CADM2: variants seen among roughly 807,000 people sequenced by gnomAD.
CADM2 encodes the protein immunoglobulin superfamily member 4D.
Under a neutral mutation model 49.8 loss-of-function variants are expected in CADM2, and 12 were observed. The ratio of observed to expected loss-of-function variants is 0.24; its 90% confidence interval spans 0.15 to 0.39. CADM2 has a LOEUF of 0.39. Ranked by LOEUF, CADM2 falls within the 10% of genes least tolerant of loss-of-function variation. The probability of loss-of-function intolerance (pLI) is 1.00; values close to 1 mark genes in which losing one functional copy is unlikely to be tolerated. For missense variants in CADM2, 378 were observed against 492.3 expected (o/e 0.77, Z 2.20); for synonymous variants, 214 against 175.4 (o/e 1.22, Z -1.74).
At chr3:85,610,980 A>G (rs1205419158) in intron 1 of CADM2, among the ~76,000 whole-genome samples, 1 of 151,946 alleles carries the variant, frequency 6.6e-6, no homozygotes, top group Non-Finnish European at 1.5e-5. Context: ...AGGACAGATT[A>G]ATTGACTGAA....
chr3:85,562,238 C>T (rs1045772020), intron 1 of CADM2, among the ~76,000 whole-genome samples: 40 of 151,920 alleles, frequency 2.6e-4, no homozygotes, highest in African/African-American at 8.2e-4. Flanking sequence ...TCAGCACTTT[C>T]GGGGGCTGAG....
chr3:85,049,408 T>C (rs1195736105), intron 1 of CADM2, among the ~76,000 whole-genome samples: 1 of 151,856 alleles, frequency 6.6e-6, no homozygotes, highest in Non-Finnish European at 1.5e-5. Context: ...TGGAGTGCAA[T>C]GATGCGATCT....
intron 8 of CADM2, chr3:85,993,452 T>A (rs1729026074): frequency 6.6e-6 from 1 of 152,180 alleles, no homozygotes; most frequent in Admixed American, 6.5e-5. Flanking sequence ...GATAAGCTTC[T>A]TCCAAACTCC....
intron 1 of CADM2, among the ~76,000 whole-genome samples, chr3:85,608,508 A>C (rs4856600): frequency 0.57 from 86,032 of 151,970 alleles, 25,882 homozygotes; most frequent in East Asian, 0.81. Flanking sequence ...AGTGGTGATA[A>C]ATAAGTCAAT....
rs150189936 is a variant in CADM2, at chr3:85,725,236, T to G, written c.62-1286T>G. On this transcript the variant is annotated intron_variant, in intron 1 of 9. Coordinates refer to ENST00000383699, the MANE Select transcript of CADM2 (RefSeq NM_001167675.2). The stretch of plus-strand genomic sequence containing the variant: ...TAAACTAGTAGCATATATATGCAAA[T>G]AGTAAGGCAGTTTTTGTTATTGTAG... 1.1e-3 allele frequency among the ~76,000 whole-genome samples: 163 copies of G among 152,046 alleles called. 1 individual carries two copies. The highest frequency in any genetic ancestry group is 3.9e-3 in the African/African-American group (160 of 41,548).
At chr3:85,657,066 C>G (rs1389063236) in intron 1 of CADM2, among the ~76,000 whole-genome samples, 1 of 152,180 alleles carries the variant, frequency 6.6e-6, no homozygotes, top group Non-Finnish European at 1.5e-5. Flanking sequence ...AATTCTACCA[C>G]TTTCTCCCCA....
chr3:85,359,231 G>T (rs545713776), intron 1 of CADM2, among the ~76,000 whole-genome samples: 2 of 152,156 alleles, frequency 1.3e-5, no homozygotes, highest in African/African-American at 4.8e-5. Flanking sequence ...ATTAATCTTT[G>T]TCCATTCTTG....
chr3:85,519,645 T>G (rs1285814514), intron 1 of CADM2, among the ~76,000 whole-genome samples: 1 of 152,160 alleles, frequency 6.6e-6, no homozygotes, highest in African/African-American at 2.4e-5. Flanking sequence ...CATCAACTTT[T>G]TACATGTTTT....
rs183738454 is a variant in CADM2, at chr3:85,248,891, T to C, written c.61+289223T>C. Among the ~76,000 whole-genome samples, 76 of 152,290 alleles carry C rather than the reference T, an allele frequency of 5.0e-4. 1 individual carries two copies. The highest frequency in any genetic ancestry group is 2.4e-4 in the Non-Finnish European group (16 of 68,002). On this transcript the variant is annotated intron_variant, in intron 1 of 9. Coordinates refer to ENST00000383699, the MANE Select transcript of CADM2 (RefSeq NM_001167675.2). Reference sequence around the variant, plus strand: ...GCTTTCTCATCCATGATGTTCATTATTTCACAGTGAAGGCCAAATCTGATC... The same window carrying C: ...GCTTTCTCATCCATGATGTTCATTACTTCACAGTGAAGGCCAAATCTGATC...
chr3:86,065,614 C>CTTTG lies in CADM2; in HGVS notation c.981_984dup (p.Ala329PhefsTer8). The CTTTG allele has an allele frequency of 6.2e-7, 1 of 1,612,610 alleles. No homozygotes were observed. Among genetic ancestry groups the CTTTG allele is most frequent in the Non-Finnish European group, 8.5e-7 (1 of 1,179,456 alleles). On this transcript the variant is annotated frameshift_variant, in exon 9 of 10. Transcript: ENST00000383699. LOFTEE classifies it high-confidence loss of function. Reference sequence around the variant, plus strand: ...TTCCTGTCTTTTCCAGATCCTAATGCTTTGGCTGGCCAGAATGGCCCTGAC... The same window carrying CTTTG: ...TTCCTGTCTTTTCCAGATCCTAATGCTTTGTTTGGCTGGCCAGAATGGCCCTGAC...
chr3:85,347,578 T>A (rs1456837028), intron 1 of CADM2, among the ~76,000 whole-genome samples: 1 of 112,300 alleles, frequency 8.9e-6, no homozygotes, highest in Middle Eastern at 3.9e-3. Context: ...TAAATATATA[T>A]ACATATATAC....
chr3:84,980,048 T>A (rs930292714), intron 1 of CADM2, among the ~76,000 whole-genome samples: 6 of 152,186 alleles, frequency 3.9e-5, no homozygotes, highest in African/African-American at 1.4e-4. Context: ...GTTTTATTGA[T>A]TAATTTAGAG....
intron 1 of CADM2, among the ~76,000 whole-genome samples, chr3:85,419,355 G>A (rs2036062554): frequency 6.6e-6 from 1 of 152,052 alleles, no homozygotes; most frequent in Non-Finnish European, 1.5e-5. Context: ...CTACTCAGGA[G>A]GCTGAGACAG....
intron 1 of CADM2, among the ~76,000 whole-genome samples, chr3:85,488,273 T>C (rs2039513408): frequency 6.6e-6 from 1 of 152,174 alleles, no homozygotes; most frequent in Admixed American, 6.5e-5. Context: ...CCTCTAATGT[T>C]AAAGTGCTCC....
chr3:85,896,873 A>C (rs890208516), intron 5 of CADM2, among the ~76,000 whole-genome samples: 2 of 152,210 alleles, frequency 1.3e-5, no homozygotes, highest in African/African-American at 4.8e-5. Flanking sequence ...TAGACCACTT[A>C]GATTAGAATC....
intron 1 of CADM2, among the ~76,000 whole-genome samples, chr3:85,283,849 G>A (rs1193573960): frequency 1.3e-5 from 2 of 152,082 alleles, no homozygotes; most frequent in Non-Finnish European, 2.9e-5. Flanking sequence ...TGGAAGCAAA[G>A]CATCAGCCTT....
intron 1 of CADM2, among the ~76,000 whole-genome samples, chr3:85,326,464 A>T (rs896634583): frequency 6.6e-6 from 1 of 152,172 alleles, no homozygotes; most frequent in African/African-American, 2.4e-5. Flanking sequence ...GATAAAGTAT[A>T]TTTCAAATAA....
intron 1 of CADM2, among the ~76,000 whole-genome samples, chr3:85,273,351 G>A (rs754055202): frequency 6.6e-6 from 1 of 151,236 alleles, no homozygotes; most frequent in Non-Finnish European, 1.5e-5. Context: ...ACATGACTTA[G>A]TTTTTGACAA....
chr3:85,126,757 C>T (rs892239625), intron 1 of CADM2, among the ~76,000 whole-genome samples: 1 of 151,958 alleles, frequency 6.6e-6, no homozygotes, highest in African/African-American at 2.4e-5. Flanking sequence ...AGTCAATGAA[C>T]ACAAAAATGA....
Sources: gnomAD v4.1 joint callset for allele counts (sites outside exome capture counted in the v4.1 genomes callset) on GRCh38, gnomAD v4.1.1 for gene constraint, MANE v1.5 for transcripts, NCBI Gene and HGNC (gene_info 2026-07-23, HGNC 2026-07-21) for gene names.